CD2AP: variants seen among roughly 807,000 people sequenced by gnomAD.
The protein encoded by CD2AP is CD2-associated protein.
Under a neutral mutation model 85.1 loss-of-function variants are expected in CD2AP, and 46 were observed. The ratio of observed to expected loss-of-function variants is 0.54; its 90% confidence interval spans 0.43 to 0.69. CD2AP has a LOEUF of 0.69. CD2AP is among the 30% of genes least tolerant of loss of function. The probability of loss-of-function intolerance (pLI) is 0.00; values close to 1 mark genes in which losing one functional copy is unlikely to be tolerated. For missense variants in CD2AP, 769 were observed against 729.5 expected, an observed-to-expected ratio of 1.05 and a Z score of -0.62; for synonymous variants, 255 against 252.9, an observed-to-expected ratio of 1.01 and a Z score of -0.08.
intron 2 of CD2AP, among the ~76,000 whole-genome samples, chr6:47,522,217 CAG>C (rs1019558922): frequency 1.2e-4 from 19 of 152,020 alleles, no homozygotes; most frequent in African/African-American, 4.6e-4. Context: ...CGCCAGAGCA[CAG>C]AGAGTCATGG....
chr6:47,518,573 A>G (rs1046703259), intron 2 of CD2AP, among the ~76,000 whole-genome samples: 6 of 152,144 alleles, frequency 3.9e-5, no homozygotes, highest in Non-Finnish European at 5.9e-5. Context: ...ATTGTTTTCA[A>G]TTTCTGAATA....
chr6:47,554,744 T>A lies in CD2AP; in HGVS notation c.519T>A (p.Thr173=). 6.2e-7 allele frequency: 1 copy of A among 1,613,512 alleles called. No homozygotes were observed. Among genetic ancestry groups the A allele is most frequent in the South Asian group, 1.1e-5 (1 of 91,014 alleles). ...KELEVTDDGE[T]HEAQDDSETV... is the part of the protein sequence containing the mutation. ...TAGAGGTAACAGATGATGGTGAAACTCATGAAGCCCAGGACGATTCAGGTA... is the reference window on the plus strand; with the variant it reads ...TAGAGGTAACAGATGATGGTGAAACACATGAAGCCCAGGACGATTCAGGTA... The change falls in exon 5 of 18, where the codon ACT becomes ACA. Residue 173 remains threonine (T), a synonymous_variant. Coordinates refer to ENST00000359314, the MANE Select transcript of CD2AP (RefSeq NM_012120.3).
intron 4 of CD2AP, among the ~76,000 whole-genome samples, chr6:47,550,907 T>C (rs1767501576): frequency 1.3e-5 from 2 of 152,238 alleles, no homozygotes; most frequent in South Asian, 2.1e-4. Flanking sequence ...TTGGAGACTA[T>C]TATTTTAAGT....
chr6:47,564,138 C>T (rs1767931919), intron 5 of CD2AP, among the ~76,000 whole-genome samples: 1 of 152,064 alleles, frequency 6.6e-6, no homozygotes, highest in South Asian at 2.1e-4. Context: ...TGTGTAAAAA[C>T]CATTAGAGAA....
At chr6:47,531,486 A>G (rs774091424) in intron 2 of CD2AP, among the ~76,000 whole-genome samples, 2 of 150,504 alleles carry the variant, frequency 1.3e-5, no homozygotes, top group South Asian at 4.4e-4. Flanking sequence ...AGGATTGTTT[A>G]TTTAAGGTAT....
intron 5 of CD2AP, among the ~76,000 whole-genome samples, chr6:47,560,739 C>T (rs1041730287): frequency 1.3e-5 from 2 of 152,044 alleles, no homozygotes; most frequent in Admixed American, 6.6e-5. Context: ...AGCTGTGCTG[C>T]CACTGTACTT....
At chr6:47,573,691 G>C (rs574042668) in intron 5 of CD2AP, among the ~76,000 whole-genome samples, 3 of 151,704 alleles carry the variant, frequency 2.0e-5, no homozygotes, top group Admixed American at 2.0e-4. Flanking sequence ...GGGTTTCACC[G>C]TGTTAGCCAG....
chr6:47,610,949 T>TTATATGTATATATATA (rs1440078108), intron 16 of CD2AP, among the ~76,000 whole-genome samples: 2 of 114,244 alleles, frequency 1.8e-5, no homozygotes, highest in African/African-American at 7.3e-5. Flanking sequence ...TATTTCTGAT[T>TTATATGTATATATATA]TATATATATA....
rs374573835 is a variant in CD2AP, at chr6:47,560,633, C to T, written c.541+5867C>T. Among the ~76,000 whole-genome samples the T allele has an allele frequency of 1.4e-4, 21 of 151,902 alleles. 1 individual carries two copies. The East Asian group carries it at 3.3e-3, about 24-fold the overall frequency. ...TTTTATTGGCAGGACTATGGAGTGACGATGTCTTATGTAATATTTGGAGGC... is the reference window on the plus strand; with the variant it reads ...TTTTATTGGCAGGACTATGGAGTGATGATGTCTTATGTAATATTTGGAGGC... On this transcript the variant is annotated intron_variant, in intron 5 of 17. Transcript: ENST00000359314.
intron 2 of CD2AP, among the ~76,000 whole-genome samples, chr6:47,528,145 C>A (rs973912244): frequency 1.3e-5 from 2 of 152,110 alleles, no homozygotes; most frequent in African/African-American, 4.8e-5. Context: ...AAATAGTTCA[C>A]AACTAATGGC....
At chr6:47,595,546 G>A (rs538688158) in intron 11 of CD2AP, among the ~76,000 whole-genome samples, 1 of 152,090 alleles carries the variant, frequency 6.6e-6, no homozygotes, top group South Asian at 2.1e-4. Context: ...ATGTGTGGTT[G>A]TATTTGAGAT....
At chr6:47,570,977 G>T (rs1768133473) in intron 5 of CD2AP, among the ~76,000 whole-genome samples, 2 of 151,778 alleles carry the variant, frequency 1.3e-5, no homozygotes, top group South Asian at 2.1e-4. Flanking sequence ...ATATTTTAAT[G>T]ACTCTAATAA....
intron 2 of CD2AP, among the ~76,000 whole-genome samples, chr6:47,518,808 C>G (rs1766514246): frequency 2.0e-5 from 3 of 152,030 alleles, no homozygotes. Context: ...TCCCTTTTTG[C>G]AATAGTTGTG....
chr6:47,569,209 T>C (rs1768082079), intron 5 of CD2AP, among the ~76,000 whole-genome samples: 1 of 152,166 alleles, frequency 6.6e-6, no homozygotes, highest in East Asian at 1.9e-4. Context: ...CTTGACATAC[T>C]AATGGCTGAC....
At chr6:47,605,656 G>A (rs575081036) in intron 13 of CD2AP, among the ~76,000 whole-genome samples, 1 of 152,128 alleles carries the variant, frequency 6.6e-6, no homozygotes, top group South Asian at 2.1e-4. Context: ...ATTAAATCAT[G>A]CTTTTGCTTT....
chr6:47,601,403 C>T (rs988500793), intron 13 of CD2AP, among the ~76,000 whole-genome samples: 2 of 151,996 alleles, frequency 1.3e-5, no homozygotes, highest in Non-Finnish European at 2.9e-5. Flanking sequence ...ATTCCTTCCA[C>T]TTAATTATAC....
At chr6:47,517,899 G>A (rs1219454476) in intron 2 of CD2AP, among the ~76,000 whole-genome samples, 3 of 152,056 alleles carry the variant, frequency 2.0e-5, no homozygotes, top group Non-Finnish European at 2.9e-5. Context: ...TGTATTAAGC[G>A]TTTAATCTAG....
At chr6:47,513,292 T>C (rs80149715) in intron 2 of CD2AP, among the ~76,000 whole-genome samples, 2,383 of 152,260 alleles carry the variant, frequency 0.016, 43 homozygotes, top group African/African-American at 0.038. Context: ...ACATTCCCAC[T>C]TAATTGTTTT....
chr6:47,517,366 C>T (rs949990726), intron 2 of CD2AP, among the ~76,000 whole-genome samples: 2 of 151,870 alleles, frequency 1.3e-5, no homozygotes, highest in East Asian at 3.9e-4. Flanking sequence ...CAGCTCGCTG[C>T]AGCCTCGACT....
Sources: gnomAD v4.1 joint callset for allele counts (sites outside exome capture counted in the v4.1 genomes callset) on GRCh38, gnomAD v4.1.1 for gene constraint, MANE v1.5 for transcripts, NCBI Gene and HGNC (gene_info 2026-07-23, HGNC 2026-07-21) for gene names.